The following UQCRC1 variants were observed in gnomAD, a reference collection of about 807,000 sequenced individuals.
UQCRC1 encodes the protein ubiquinol-cytochrome c reductase core protein 1, also known as cytochrome b-c1 complex subunit 1, mitochondrial.
A neutral mutation model predicts 58.0 loss-of-function variants in UQCRC1; 34 were observed. The ratio of observed to expected loss-of-function variants is 0.59; its 90% CI spans 0.45 to 0.78. UQCRC1 has a LOEUF of 0.78. Ranked by LOEUF, UQCRC1 falls within the 30% of genes least tolerant of loss-of-function variation. The probability of loss-of-function intolerance (pLI) is 0.00; values close to 1 mark genes in which losing one functional copy is unlikely to be tolerated. For missense variants in UQCRC1, 610 were observed against 646.0 expected (o/e 0.94, Z 0.60); for synonymous variants, 276 against 248.8 (o/e 1.11, Z -1.03).
At position 48,600,681 on chromosome 3, in the gene UQCRC1, A is replaced by C. The variant is rs771972478; in HGVS notation, c.1126T>G (p.Trp376Gly). The stretch of plus-strand genomic sequence containing the variant: ...TAGGAATACCAGGCTGCCACTTACC[A>C]CTGCCCTTGCAGGACGAACATCATG... ...DDMMFVLQGQ[W>G]MRLCTSATES... The change falls in exon 9 of 13, where the codon TGG (tryptophan) becomes GGG (glycine). Residue 376 changes from tryptophan to glycine, a missense_variant and splice_region_variant. Trp to Gly is a radical substitution (Grantham distance 184). Transcript: ENST00000203407. The C allele has an allele frequency of 1.9e-6, 3 of 1,614,098 alleles. No homozygotes were observed. The highest frequency in any genetic ancestry group is 1.1e-5 in the South Asian group (1 of 91,072).
chr3:48,603,072 C>T (rs180676068), intron 6 of UQCRC1, among the ~76,000 whole-genome samples: 161 of 152,308 alleles, frequency 1.1e-3, no homozygotes, highest in Middle Eastern at 6.8e-3. Context: ...AAATAACACT[C>T]ACCACCTTTC....
chr3:48,599,397 C>G (rs2046340934), intron 12 of UQCRC1: 1 of 697,532 alleles, frequency 1.4e-6, no homozygotes. Flanking sequence ...CATGGAGGTG[C>G]CCGTTACCTG....
intron 1 of UQCRC1, 103 bp downstream of exon 1, chr3:48,609,449 G>C: frequency 6.6e-7 from 1 of 1,520,480 alleles, no homozygotes; most frequent in Non-Finnish European, 8.8e-7. Flanking sequence ...CCACGGCCCT[G>C]ACCCCGCGTC....
chr3:48,603,282 A>T (rs572634943), intron 6 of UQCRC1, among the ~76,000 whole-genome samples: 194 of 152,254 alleles, frequency 1.3e-3, no homozygotes, highest in African/African-American at 4.5e-3. Flanking sequence ...AGGAGCTTAC[A>T]TCCCCTACCA....
intron 11 of UQCRC1, 138 bp downstream of exon 11, chr3:48,599,925 T>C: frequency 2.6e-6 from 3 of 1,149,484 alleles, no homozygotes; most frequent in Non-Finnish European, 3.7e-6. Flanking sequence ...CCCACTATGC[T>C]ACCCCTGCAG....
intron 6 of UQCRC1, among the ~76,000 whole-genome samples, chr3:48,602,792 G>A (rs1216699721): frequency 6.6e-6 from 1 of 152,078 alleles, no homozygotes; most frequent in Non-Finnish European, 1.5e-5. Flanking sequence ...CAAAGTGCTA[G>A]GATTACAGGC....
chr3:48,609,434 C>T, intron 1 of UQCRC1, 118 bp downstream of exon 1: 1 of 1,513,408 alleles, frequency 6.6e-7, no homozygotes. Context: ...TCCGCCGTGA[C>T]CTTCCCACGG....
Position 48,600,811 on chromosome 3 carries a change from A to G in UQCRC1, c.996T>C (p.Ala332=), listed in dbSNP as rs1056556879. The part of the protein sequence containing the change: ...VHLSSPLASG[A]VANKLCQSFQ... ...AACTCTGGCATAGCTTGTTGGCCAC[A>G]GCACCTGAAGCCAGTGGGCTGGACA... is the stretch of plus-strand genomic sequence containing the variant. The change falls in exon 9 of 13, where the codon GCT becomes GCC. Residue 332 remains alanine, a synonymous_variant. Transcript: ENST00000203407. 2.0e-5 allele frequency: 33 copies of G among 1,613,934 alleles called. No homozygotes were observed. The highest frequency in any genetic ancestry group is 1.6e-4 in the Middle Eastern group (1 of 6,084).
chr3:48,603,470 G>A, intron 6 of UQCRC1, 94 bp downstream of exon 6: 1 of 1,286,710 alleles, frequency 7.8e-7, no homozygotes, highest in Non-Finnish European at 1.1e-6. Context: ...GTCCCCTGGG[G>A]TGAAAGGTCC....
rs759788498 is a variant in UQCRC1 at position 48,609,156 on chromosome 3, A to C, written c.210+6T>G. On this transcript the variant is annotated splice_donor_region_variant and intron_variant, in intron 2 of 12. Coordinates refer to ENST00000203407, the MANE Select transcript of UQCRC1 (RefSeq NM_003365.3). Reference sequence around the variant, plus strand: ...GGCCCTCTCCCCAAAAGCGTCCCCAACTCACCGTGCAAGTGGGCTGAGAGG... The same window carrying C: ...GGCCCTCTCCCCAAAAGCGTCCCCACCTCACCGTGCAAGTGGGCTGAGAGG... 18 of 1,602,520 alleles carry C rather than the reference A, an allele frequency of 1.1e-5. No homozygotes were observed. Among genetic ancestry groups the C allele is most frequent in the Non-Finnish European group, 1.3e-5 (15 of 1,171,660 alleles).
chr3:48,609,443 G>A, intron 1 of UQCRC1, 109 bp downstream of exon 1: 1 of 1,514,226 alleles, frequency 6.6e-7, no homozygotes, highest in East Asian at 2.5e-5. Flanking sequence ...ACCTTCCCAC[G>A]GCCCTGACCC....
chr3:48,609,605 C>G lies in UQCRC1; in HGVS notation c.16G>C (p.Val6Leu). The G allele has an allele frequency of 3.8e-6, 6 of 1,568,980 alleles. No individual in the cohort carries two copies. Among genetic ancestry groups the G allele is most frequent in the Non-Finnish European group, 5.2e-6 (6 of 1,161,270 alleles). The change falls in exon 1 of 13, where the codon GTC becomes CTC. Residue 6 changes from valine to leucine, a missense_variant. Physicochemically the swap from Val to Leu is conservative, Grantham distance 32. Transcript: ENST00000203407. Reference protein sequence around the residue: MAASVVCRAATAGAQV... With the variant: MAASVLCRAATAGAQV... ...GCCCCGGCGGTAGCGGCCCGACAGA[C>G]CACGGACGCCGCCATCTTCCAGCTG...
At position 48,609,637 on chromosome 3, in the gene UQCRC1, G is replaced by A. The variant is rs565972394; in HGVS notation, c.-17C>T. 2.4e-4 allele frequency: 368 copies of A among 1,548,484 alleles called. 1 individual carries two copies. The East Asian group carries it at 5.2e-3, about 22-fold the overall frequency. Reference sequence around the variant, plus strand: ...CGCCGCCATCTTCCAGCTGCAGTCGGCCCTGTTGCGCCGCGCAAGCGTAGA... The same window carrying A: ...CGCCGCCATCTTCCAGCTGCAGTCGACCCTGTTGCGCCGCGCAAGCGTAGA... On this transcript the variant is annotated 5_prime_UTR_variant, in exon 1 of 13. Transcript: ENST00000203407.
chr3:48,605,268 C>T (rs1360581657), intron 3 of UQCRC1, among the ~76,000 whole-genome samples: 1 of 152,206 alleles, frequency 6.6e-6, no homozygotes, highest in East Asian at 1.9e-4. Flanking sequence ...TCTTGGTGTG[C>T]ACACACACGT....
At chr3:48,599,971 G>C in intron 11 of UQCRC1, 92 bp downstream of exon 11, 3 of 1,493,510 alleles carry the variant, frequency 2.0e-6, no homozygotes, top group Admixed American at 1.7e-5. Flanking sequence ...ATGCCTATAG[G>C]AGCAGGCTGC....
rs540338568 is a variant in UQCRC1, at chr3:48,604,537, C to T, written c.428-106G>A. 458 of 1,586,108 alleles carry T rather than the reference C, an allele frequency of 2.9e-4. 2 individuals are homozygous for T. In the African/African-American group the frequency reaches 3.7e-3, roughly 13 times the overall value. ...CTCCTGCTGCCCACCCCTAGTTGCC[C>T]AGCTGCAAAGCCATACGCTAAGGGT... is the stretch of plus-strand genomic sequence containing the variant. On this transcript the variant is annotated intron_variant, in intron 4 of 12. Coordinates refer to ENST00000203407, the MANE Select transcript of UQCRC1 (RefSeq NM_003365.3).
chr3:48,599,593 C>A, intron 12 of UQCRC1, 42 bp downstream of exon 12: 2 of 1,608,330 alleles, frequency 1.2e-6, no homozygotes, highest in South Asian at 2.2e-5. Flanking sequence ...AAGAGAACGG[C>A]CTGAGGAAAT....
rs1464597113 is a variant in UQCRC1 at position 48,605,393 on chromosome 3, G to A, written c.297+377C>T. 3.3e-5 allele frequency among the ~76,000 whole-genome samples: 5 copies of A among 152,124 alleles called. No homozygotes were observed. The East Asian group carries it at 7.7e-4, about 23-fold the overall frequency. On this transcript the variant is annotated intron_variant, in intron 3 of 12. Coordinates refer to ENST00000203407, the MANE Select transcript of UQCRC1 (RefSeq NM_003365.3). ...GTTTTTCATTCCTTTAAAAAACATGGGTCTTTACAACCAAGGGATGCCTAG... is the reference window on the plus strand; with the variant it reads ...GTTTTTCATTCCTTTAAAAAACATGAGTCTTTACAACCAAGGGATGCCTAG...
intron 6 of UQCRC1, among the ~76,000 whole-genome samples, chr3:48,602,940 C>T (rs764415075): frequency 5.3e-5 from 8 of 152,116 alleles, no homozygotes; most frequent in Non-Finnish European, 8.8e-5. Context: ...CATCTCCTGC[C>T]CAGTCCCTGC....
Sources: gnomAD v4.1 joint callset for allele counts (sites outside exome capture counted in the v4.1 genomes callset) on GRCh38, gnomAD v4.1.1 for gene constraint, MANE v1.5 for transcripts, NCBI Gene and HGNC (gene_info 2026-07-23, HGNC 2026-07-21) for gene names.